Variants in NF2 observed in about 807,000 individuals in gnomAD.
NF2 encodes merlin.
NF2 carries 8 observed loss-of-function variants against 83.7 expected under a neutral mutation model. The observed-to-expected ratio is 0.10, with a 90% CI of 0.06 to 0.17. The LOEUF is 0.17. Ranked by LOEUF, NF2 falls within the 10% of genes least tolerant of loss-of-function variation. The pLI is 1.00. For synonymous variants in NF2, 266 were observed against 269.6 expected (o/e 0.99, Z 0.13); for missense variants, 533 against 744.4 (o/e 0.72, Z 3.31).
At position 29,696,242 on chromosome 22, in the gene NF2, G is replaced by A. The variant is rs1221585670; in HGVS notation, c.*1440G>A. 4.6e-6 allele frequency: 1 copy of A among 215,618 alleles called. No homozygotes were observed. Among genetic ancestry groups the A allele is most frequent in the Non-Finnish European group, 9.3e-6 (1 of 107,152 alleles). 13.4% of individuals were successfully genotyped at this position (215,618 alleles called of 1,614,324 possible). On this transcript the variant is annotated 3_prime_UTR_variant, in exon 16 of 16. Transcript: ENST00000338641. ...GCATGCACCACCACACTTGGCCAAT[G>A]TTCTGTATTTTTAATAGGGACGGGG...
At chr22:29,692,777 G>A (rs2067441583) in intron 15 of NF2, among the ~76,000 whole-genome samples, 2 of 152,218 alleles carry the variant, frequency 1.3e-5, no homozygotes, top group African/African-American at 2.4e-5. Flanking sequence ...GAAACGTGAT[G>A]TTGCTATTAG....
chr22:29,619,156 A>T (rs935069731), intron 1 of NF2, among the ~76,000 whole-genome samples: 9 of 149,100 alleles, frequency 6.0e-5, no homozygotes, highest in Non-Finnish European at 1.3e-4. Flanking sequence ...GTGATTCTCC[A>T]GCCTCAGCCT....
intron 1 of NF2, among the ~76,000 whole-genome samples, chr22:29,630,380 CA>C (rs1453447569): frequency 6.6e-6 from 1 of 151,764 alleles, no homozygotes; most frequent in Non-Finnish European, 1.5e-5. Context: ...CCAGCTCCTA[CA>C]AAAAAAATAG....
chr22:29,660,480 T>C (rs960244500), intron 7 of NF2, among the ~76,000 whole-genome samples: 1 of 152,220 alleles, frequency 6.6e-6, no homozygotes, highest in Admixed American at 6.5e-5. Flanking sequence ...TATCATAAAA[T>C]GAGACCATCC....
At chr22:29,618,317 A>G (rs1288003456) in intron 1 of NF2, among the ~76,000 whole-genome samples, 1 of 152,170 alleles carries the variant, frequency 6.6e-6, no homozygotes, top group Non-Finnish European at 1.5e-5. Flanking sequence ...AAGGAGAGAG[A>G]GAGTACTTGT....
chr22:29,617,260 C>T (rs145772843), intron 1 of NF2, among the ~76,000 whole-genome samples: 103 of 152,184 alleles, frequency 6.8e-4, no homozygotes, highest in African/African-American at 2.3e-3. Flanking sequence ...ATTTTTCAGC[C>T]GCAATTTTGC....
At position 29,639,128 on chromosome 22, in the gene NF2, C is replaced by G. The variant is rs758722464; in HGVS notation, c.279C>G (p.Thr93=). The change falls in exon 3 of 16, where the codon ACC becomes ACG. Residue 93 remains threonine (T), a synonymous_variant. Coordinates refer to ENST00000338641, the MANE Select transcript of NF2 (RefSeq NM_000268.4). ...ATGTTTCAAAGGAAGAACCAGTCAC[C>G]TTTCACTTCTTGGCCAAATTTTATC... is the stretch of plus-strand genomic sequence containing the variant. ...DHDVSKEEPV[T]FHFLAKFYPE... 6.2e-7 allele frequency: 1 copy of G among 1,614,138 alleles called. No homozygotes were observed. Among genetic ancestry groups the G allele is most frequent in the South Asian group, 1.1e-5 (1 of 91,080 alleles).
At chr22:29,655,841 G>A (rs1425364252) in intron 6 of NF2, among the ~76,000 whole-genome samples, 165 bp downstream of exon 6, 1 of 151,928 alleles carries the variant, frequency 6.6e-6, no homozygotes, top group African/African-American at 2.4e-5. Context: ...TTGGTCTTCA[G>A]TTTTGTGTGT....
Position 29,636,955 on chromosome 22 carries a change from A to T in NF2, c.240+79A>T, listed in dbSNP as rs780333160. On this transcript the variant is annotated intron_variant, in intron 2 of 15. Transcript: ENST00000338641. This position sits in a 1 kb window ranked among gnomAD's most constrained non-coding sequence, Gnocchi z 4.4. ...TCCCTGAGCAGGCGCCTAGCTCATC[A>T]CTGGGGCGCTGTAGCTGTATAGTAG... 5.6e-6 allele frequency: 9 copies of T among 1,598,942 alleles called. No homozygotes were observed. Among genetic ancestry groups the T allele is most frequent in the African/African-American group, 4.0e-5 (3 of 74,572 alleles).
chr22:29,690,634 C>A (rs1210637889), intron 15 of NF2, among the ~76,000 whole-genome samples: 7 of 152,192 alleles, frequency 4.6e-5, no homozygotes, highest in Admixed American at 4.6e-4. Flanking sequence ...AAGTTCGTCT[C>A]CTCAGAATGG....
chr22:29,637,645 C>T (rs957117246), intron 2 of NF2, among the ~76,000 whole-genome samples: 3 of 152,006 alleles, frequency 2.0e-5, no homozygotes, highest in African/African-American at 7.3e-5. Context: ...AAATGATGCC[C>T]CCTCCAGTTG....
intron 4 of NF2, among the ~76,000 whole-genome samples, chr22:29,652,353 G>A (rs920046943): frequency 2.8e-4 from 42 of 152,208 alleles, no homozygotes; most frequent in Non-Finnish European, 2.9e-5. Context: ...TGCCCAGGCT[G>A]TAGTGCAATG....
intron 1 of NF2, among the ~76,000 whole-genome samples, chr22:29,624,620 G>A (rs1404794125): frequency 1.3e-5 from 2 of 152,194 alleles, no homozygotes; most frequent in Non-Finnish European, 2.9e-5. Context: ...TGGGCTGGGA[G>A]TGTGGGAACA....
rs1468292395 is a variant in NF2, at chr22:29,620,576, T to C, written c.115-16175T>C. Reference sequence around the variant, plus strand: ...CAACATGGGAAAAACTCGTCTCTACTAAAAATAGAAAAATTAGCCGGGGGC... The same window carrying C: ...CAACATGGGAAAAACTCGTCTCTACCAAAAATAGAAAAATTAGCCGGGGGC... On this transcript the variant is annotated intron_variant, in intron 1 of 15. Coordinates refer to ENST00000338641, the MANE Select transcript of NF2 (RefSeq NM_000268.4). Among the ~76,000 whole-genome samples the C allele has an allele frequency of 1.3e-5, 2 of 149,402 alleles. 1 individual carries two copies. The highest frequency in any genetic ancestry group is 3.0e-5 in the Non-Finnish European group (2 of 67,658).
At position 29,695,105 on chromosome 22, in the gene NF2, T is replaced by C; in HGVS notation, c.*303T>C. 1 of 516,030 alleles carries C rather than the reference T, an allele frequency of 1.9e-6. No individual in the cohort carries two copies. The highest frequency in any genetic ancestry group is 3.2e-5 in the Admixed American group (1 of 31,438). The allele number at this position is 516,030 out of a possible 1,614,324, so 32.0% of individuals were successfully genotyped here. A position where few individuals can be genotyped will look rare whatever the true frequency, so the allele number is the denominator to read the frequency against. Reference sequence around the variant, plus strand: ...TCCCTTCGTCCAAGGCACCGGTGTGTGTGTGTCTTGCACTCCAGAGCTGAC... The same window carrying C: ...TCCCTTCGTCCAAGGCACCGGTGTGCGTGTGTCTTGCACTCCAGAGCTGAC... On this transcript the variant is annotated 3_prime_UTR_variant, in exon 16 of 16. Coordinates refer to ENST00000338641, the MANE Select transcript of NF2 (RefSeq NM_000268.4). The surrounding 1 kb of genome is among the most constrained non-coding windows in gnomAD (Gnocchi z 5.4).
intron 14 of NF2, among the ~76,000 whole-genome samples, chr22:29,679,082 AC>A (rs2067052544): frequency 6.6e-6 from 1 of 152,208 alleles, no homozygotes; most frequent in Non-Finnish European, 1.5e-5. Context: ...ATTCCTGCTA[AC>A]TTACAAACAT....
At chr22:29,668,487 G>C (rs751527915) in intron 10 of NF2, 41 bp downstream of exon 10, 3 of 1,509,568 alleles carry the variant, frequency 2.0e-6, no homozygotes, top group Non-Finnish European at 2.8e-6. Flanking sequence ...TCACTGTGTG[G>C]TCAGTCCTGG....
chr22:29,680,769 C>T (rs976953967), intron 14 of NF2, among the ~76,000 whole-genome samples: 2 of 152,054 alleles, frequency 1.3e-5, no homozygotes, highest in Admixed American at 6.5e-5. Flanking sequence ...TCACGTGAAG[C>T]TGGGCGCTGT....
At chr22:29,676,784 A>T (rs1435735852) in intron 13 of NF2, among the ~76,000 whole-genome samples, 1 of 152,220 alleles carries the variant, frequency 6.6e-6, no homozygotes, top group Non-Finnish European at 1.5e-5. Context: ...CGATTTTGAT[A>T]CTCTCCAAAG....
Sources: gnomAD v4.1 joint callset for allele counts (sites outside exome capture counted in the v4.1 genomes callset) on GRCh38, gnomAD v4.1.1 for gene constraint, Gnocchi (gnomAD v3.1) non-coding constraint, MANE v1.5 for transcripts, NCBI Gene and HGNC (gene_info 2026-07-23, HGNC 2026-07-21) for gene names.